The following SFMBT1 variants were observed in gnomAD, a reference collection of about 807,000 sequenced individuals.
SFMBT1 encodes Scm like with four mbt domains 1, also known as scm-like with four MBT domains protein 1.
SFMBT1 carries 32 observed loss-of-function variants against 108.7 expected under a neutral mutation model. That is an observed-to-expected ratio of 0.29 (90% CI 0.22 to 0.40). SFMBT1 has a LOEUF of 0.40. Ranked by LOEUF, SFMBT1 falls within the 10% of genes least tolerant of loss-of-function variation. The pLI, the probability that SFMBT1 is intolerant of heterozygous loss-of-function variation, is 1.00. For missense variants in SFMBT1, 816 were observed against 1,059.6 expected (o/e 0.77, Z 3.19); for synonymous variants, 348 against 369.5 (o/e 0.94, Z 0.67).
At chr3:53,010,499 G>A (rs970171972) in intron 1 of SFMBT1, among the ~76,000 whole-genome samples, 4 of 152,212 alleles carry the variant, frequency 2.6e-5, no homozygotes, top group African/African-American at 9.7e-5. Context: ...AGGAGGAGGT[G>A]AGTGGCAGAA....
chr3:52,971,030 G>A (rs1208326075), intron 1 of SFMBT1, among the ~76,000 whole-genome samples: 1 of 152,050 alleles, frequency 6.6e-6, no homozygotes, highest in African/African-American at 2.4e-5. Context: ...AGCTACTTGG[G>A]TGGCTGAGGC....
At chr3:53,020,449 C>A (rs766669540) in intron 1 of SFMBT1, among the ~76,000 whole-genome samples, 6 of 152,042 alleles carry the variant, frequency 3.9e-5, no homozygotes, top group Non-Finnish European at 1.5e-5. Context: ...AAAAAAGAGA[C>A]TTTTCACTCT....
chr3:52,968,702 C>T (rs1345169148), intron 2 of SFMBT1, among the ~76,000 whole-genome samples: 2 of 151,328 alleles, frequency 1.3e-5, no homozygotes, highest in African/African-American at 4.9e-5. Flanking sequence ...TGGGTTCACA[C>T]CATTCTCCTG....
intron 14 of SFMBT1, among the ~76,000 whole-genome samples, chr3:52,915,514 C>T (rs771487186): frequency 1.8e-4 from 27 of 152,168 alleles, no homozygotes; most frequent in Non-Finnish European, 3.2e-4. Flanking sequence ...CTCTGAGCTT[C>T]GATTTCTCTT....
chr3:53,020,763 A>AGTAAAAGTAGAGGCCGGGTACG (rs1349618176), intron 1 of SFMBT1, among the ~76,000 whole-genome samples: 2 of 152,150 alleles, frequency 1.3e-5, no homozygotes. Flanking sequence ...TTCCATACTA[A>AGTAAAAGTAGAGGCCGGGTACG]GTAAAAGTAG....
chr3:52,964,799 A>T (rs548938930), intron 2 of SFMBT1, among the ~76,000 whole-genome samples: 1 of 152,360 alleles, frequency 6.6e-6, no homozygotes, highest in East Asian at 1.9e-4. Flanking sequence ...CACAGGAACC[A>T]GTCTGAAACA....
At position 52,994,590 on chromosome 3, in the gene SFMBT1, C is replaced by T. The variant is rs562111027; in HGVS notation, c.-130-25332G>A. ...TCTTGGCTCACCACAATCTCCGCCTCCTGGATTCAAGCAATTCTCTGGCCT... is the reference window on the plus strand; with the variant it reads ...TCTTGGCTCACCACAATCTCCGCCTTCTGGATTCAAGCAATTCTCTGGCCT... On this transcript the variant is annotated intron_variant, in intron 1 of 20. Transcript: ENST00000394752. Among the ~76,000 whole-genome samples, 59 of 150,596 alleles carry T rather than the reference C, an allele frequency of 3.9e-4. 3 individuals are homozygous for T. Among genetic ancestry groups the T allele is most frequent in the East Asian group, 1.6e-3 (8 of 5,156 alleles).
At chr3:53,032,808 T>C (rs1699732161) in intron 1 of SFMBT1, among the ~76,000 whole-genome samples, 1 of 152,172 alleles carries the variant, frequency 6.6e-6, no homozygotes, top group Non-Finnish European at 1.5e-5. Flanking sequence ...ATTGTAATAT[T>C]TACAACAGTG....
intron 1 of SFMBT1, among the ~76,000 whole-genome samples, chr3:53,010,345 G>A (rs921979132): frequency 1.3e-5 from 2 of 152,150 alleles, no homozygotes; most frequent in Non-Finnish European, 1.5e-5. Context: ...CCCAGGGGAG[G>A]ACAAAGGGAG....
intron 1 of SFMBT1, among the ~76,000 whole-genome samples, chr3:52,986,688 A>G (rs1428081162): frequency 1.3e-5 from 2 of 148,706 alleles, no homozygotes; most frequent in African/African-American, 5.0e-5. Flanking sequence ...AGGCAGGGAA[A>G]TCGCTTTAAC....
chr3:52,917,283 G>A (rs996197401), intron 13 of SFMBT1, among the ~76,000 whole-genome samples: 2 of 152,188 alleles, frequency 1.3e-5, no homozygotes, highest in Admixed American at 6.5e-5. Flanking sequence ...CTAGTGCTCA[G>A]TGTAACTGTA....
chr3:52,940,170 G>C (rs1013922544), intron 4 of SFMBT1, among the ~76,000 whole-genome samples: 1 of 152,156 alleles, frequency 6.6e-6, no homozygotes, highest in Non-Finnish European at 1.5e-5. Context: ...GTGGCTTCAT[G>C]TCTCTAGAGC....
At chr3:53,025,038 C>A (rs1699441261) in intron 1 of SFMBT1, among the ~76,000 whole-genome samples, 1 of 151,960 alleles carries the variant, frequency 6.6e-6, no homozygotes, top group Admixed American at 6.6e-5. Context: ...GGTTATAAAA[C>A]TTTTAATATT....
chr3:53,044,589 T>G, intron 1 of SFMBT1, among the ~76,000 whole-genome samples: 1 of 152,222 alleles, frequency 6.6e-6, no homozygotes, highest in East Asian at 1.9e-4. Context: ...GTTGACAAAT[T>G]AATGATTACA....
At chr3:53,006,430 A>G (rs1196039171) in intron 1 of SFMBT1, among the ~76,000 whole-genome samples, 1 of 152,094 alleles carries the variant, frequency 6.6e-6, no homozygotes, top group African/African-American at 2.4e-5. Context: ...GGAGCTCAAG[A>G]CCAGCCTGAC....
At chr3:52,930,491 A>G in intron 7 of SFMBT1, 61 bp from the exon 8 acceptor site, 1 of 942,342 alleles carries the variant, frequency 1.1e-6, no homozygotes, top group Non-Finnish European at 1.7e-6. Flanking sequence ...TTACACTCAC[A>G]TGTAGCTGTG....
chr3:53,001,925 T>TCACACACACACACA (rs59572829), intron 1 of SFMBT1, among the ~76,000 whole-genome samples: 30 of 129,228 alleles, frequency 2.3e-4, no homozygotes, highest in African/African-American at 2.8e-4. Flanking sequence ...ACCCAGTCTC[T>TCACACACACACACA]CACACACACA....
intron 1 of SFMBT1, among the ~76,000 whole-genome samples, chr3:52,973,750 C>T (rs1704423925): frequency 6.6e-6 from 1 of 152,126 alleles, no homozygotes; most frequent in Non-Finnish European, 1.5e-5. Context: ...CCTGCCTTAG[C>T]CTCCCAAGTA....
At chr3:53,023,078 G>C (rs571642186) in intron 1 of SFMBT1, among the ~76,000 whole-genome samples, 1 of 152,202 alleles carries the variant, frequency 6.6e-6, no homozygotes, top group East Asian at 1.9e-4. Flanking sequence ...TTTAGATTTT[G>C]GTGTCCTTGT....
Sources: gnomAD v4.1 joint callset for allele counts (sites outside exome capture counted in the v4.1 genomes callset) on GRCh38, gnomAD v4.1.1 for gene constraint, MANE v1.5 for transcripts, NCBI Gene and HGNC (gene_info 2026-07-23, HGNC 2026-07-21) for gene names.